The following SEMA4F variants were observed in gnomAD, a reference collection of about 807,000 sequenced individuals.
SEMA4F encodes semaphorin-4F.
A neutral mutation model predicts 78.4 loss-of-function variants in SEMA4F; 51 were observed. The observed-to-expected ratio is 0.65, with a 90% CI of 0.52 to 0.82. The LOEUF (loss-of-function observed/expected upper bound fraction) is 0.82, where lower values mean the gene tolerates loss of function less well. SEMA4F is among the 40% of genes least tolerant of loss of function. The pLI is 0.00. For synonymous variants in SEMA4F, 418 were observed against 408.7 expected, an observed-to-expected ratio of 1.02 and a Z score of -0.27; for missense variants, 938 against 1,014.4, an observed-to-expected ratio of 0.92 and a Z score of 1.02.
downstream of SEMA4F, among the ~76,000 whole-genome samples, chr2:74,685,548 G>A (rs543342405): frequency 4.6e-5 from 7 of 152,210 alleles, no homozygotes; most frequent in African/African-American, 1.7e-4. Flanking sequence ...CAGGGAAGGA[G>A]TCTGATTGGC....
At chr2:74,700,669 C>T in the SEMA4F span, among the ~76,000 whole-genome samples, 2 of 152,128 alleles carry the variant, frequency 1.3e-5, no homozygotes, top group African/African-American at 4.8e-5. Context: ...AAAACTGAGG[C>T]ACAGAGAGGG....
chr2:74,693,034 G>A, the SEMA4F span, among the ~76,000 whole-genome samples: 2 of 152,212 alleles, frequency 1.3e-5, no homozygotes, highest in Non-Finnish European at 2.9e-5. Flanking sequence ...GATACAATCT[G>A]TAAATATATT....
chr2:74,692,331 C>T, the SEMA4F span, among the ~76,000 whole-genome samples: 1 of 152,160 alleles, frequency 6.6e-6, no homozygotes. Flanking sequence ...TAGCAGAATC[C>T]ACCCAACTAG....
chr2:74,685,124 T>C (rs1371753270), downstream of SEMA4F, among the ~76,000 whole-genome samples: 1 of 152,232 alleles, frequency 6.6e-6, no homozygotes, highest in Admixed American at 6.5e-5. Context: ...ACCTGCTACT[T>C]CCTCTCCTTT....
At chr2:74,696,098 A>G in the SEMA4F span, among the ~76,000 whole-genome samples, 3 of 150,942 alleles carry the variant, frequency 2.0e-5, no homozygotes, top group Admixed American at 6.6e-5. Flanking sequence ...AAAAATCTTT[A>G]TTAATTTCTT....
chr2:74,687,806 A>G (rs1197590507), downstream of SEMA4F, among the ~76,000 whole-genome samples: 2 of 151,784 alleles, frequency 1.3e-5, no homozygotes, highest in East Asian at 1.9e-4. Flanking sequence ...TGTGTTCCGA[A>G]CTCCATCCTG....
At chr2:74,661,668 T>G (rs191956926) in intron 4 of SEMA4F, among the ~76,000 whole-genome samples, 31 of 152,336 alleles carry the variant, frequency 2.0e-4, no homozygotes, top group Middle Eastern at 6.8e-3. Flanking sequence ...TTTTGGGGAC[T>G]TCAAAAGTTT....
the SEMA4F span, among the ~76,000 whole-genome samples, chr2:74,694,545 T>C: frequency 6.6e-6 from 1 of 152,284 alleles, no homozygotes; most frequent in East Asian, 1.9e-4. Flanking sequence ...CCAGGATTTT[T>C]CCCCCAGCGT....
At chr2:74,679,430 C>T (rs867692767) in intron 13 of SEMA4F, 96 bp downstream of exon 13, 1 of 1,475,728 alleles carries the variant, frequency 6.8e-7, no homozygotes, top group Non-Finnish European at 9.4e-7. Context: ...AACCTTGGAT[C>T]CTGGAAGATG....
intron 1 of SEMA4F, among the ~76,000 whole-genome samples, chr2:74,654,803 A>G (rs1053045670): frequency 2.0e-5 from 3 of 152,134 alleles, no homozygotes; most frequent in African/African-American, 4.8e-5. Context: ...CCGGAGCCGC[A>G]GGAGCGTCCA....
chr2:74,674,490 C>T lies in SEMA4F; in HGVS notation c.823-8C>T, dbSNP rs778800510. 1 of 1,603,570 alleles carries T rather than the reference C, an allele frequency of 6.2e-7. No homozygotes were observed. The highest frequency in any genetic ancestry group is 2.2e-5 in the East Asian group (1 of 44,720). ...TAAAGAGAACCTCCCATGTGTTTGT[C>T]ACCCCAGGGGGACCTCGGGGGCCGG... On this transcript the variant is annotated splice_region_variant and splice_polypyrimidine_tract_variant and intron_variant, in intron 7 of 13. Transcript: ENST00000357877.
chr2:74,654,636 T>G, intron 1 of SEMA4F, 115 bp downstream of exon 1: 2 of 910,762 alleles, frequency 2.2e-6, no homozygotes, highest in Non-Finnish European at 3.1e-6. Context: ...GTATGGCGTT[T>G]CACGCCGCCC....
In SEMA4F at chr2:74,674,898, A is replaced by G. The variant is rs376302910; in HGVS notation, c.1012A>G (p.Thr338Ala). 3.7e-6 allele frequency: 6 copies of G among 1,613,842 alleles called. No homozygotes were observed. Among genetic ancestry groups the G allele is most frequent in the African/African-American group, 2.7e-5 (2 of 74,860 alleles). Residue 338 changes from threonine (T) to alanine (A), a missense_variant, in exon 9 of 14, where the codon ACT becomes GCT. Thr to Ala is a moderately conservative substitution (Grantham distance 58, BLOSUM62 0). Coordinates refer to ENST00000357877, the MANE Select transcript of SEMA4F (RefSeq NM_004263.5). ...GIFSSQWEGA[T>A]ISAVCAFRPQ... ...ACCTGTGAATTCCAGGGAGGGGGCT[A>G]CTATCTCTGCTGTCTGTGCCTTCCG...
At chr2:74,659,604 A>T (rs1393976254) in intron 4 of SEMA4F, among the ~76,000 whole-genome samples, 2 of 152,126 alleles carry the variant, frequency 1.3e-5, no homozygotes, top group African/African-American at 2.4e-5. Flanking sequence ...GGCTTGTTTG[A>T]AGGAGAATAT....
Position 74,658,667 on chromosome 2 carries a change from A to T in SEMA4F, c.456+716A>T, listed in dbSNP as rs1684280495. ...CTAGTCATGATCTCTGGGACTGATG[A>T]CTGTTTCTGAATTCTCAGCTTTTCC... On this transcript the variant is annotated intron_variant, in intron 4 of 13. Transcript: ENST00000357877. The surrounding 1 kb of genome is among the most constrained non-coding windows in gnomAD (Gnocchi z 4.3). Among the ~76,000 whole-genome samples, 1 of 152,212 alleles carries T rather than the reference A, an allele frequency of 6.6e-6. No homozygotes were observed. Among genetic ancestry groups the T allele is most frequent in the South Asian group, 2.1e-4 (1 of 4,822 alleles).
intron 5 of SEMA4F, among the ~76,000 whole-genome samples, chr2:74,670,425 T>C (rs1684927574): frequency 6.6e-6 from 1 of 152,218 alleles, no homozygotes; most frequent in Non-Finnish European, 1.5e-5. Context: ...GTGTCAGTGA[T>C]CCTTGGCTGT....
rs530499012 is a variant in SEMA4F, at chr2:74,680,473, A to G, written c.*264A>G. On this transcript the variant is annotated 3_prime_UTR_variant, in exon 14 of 14. Coordinates refer to ENST00000357877, the MANE Select transcript of SEMA4F (RefSeq NM_004263.5). ...CCCCCTAACATCTGAACTCCTGTAAACCTTCATCCCTGGCCCCCTATCTTG... is the reference window on the plus strand; with the variant it reads ...CCCCCTAACATCTGAACTCCTGTAAGCCTTCATCCCTGGCCCCCTATCTTG... 2.6e-6 allele frequency: 1 copy of G among 383,614 alleles called. No individual in the cohort carries two copies. The highest frequency in any genetic ancestry group is 2.0e-5 in the African/African-American group (1 of 49,198). The allele number at this position is 383,614 out of a possible 1,614,324, so 23.8% of individuals were successfully genotyped here.
Position 74,674,651 on chromosome 2 carries a change from T to C in SEMA4F, c.976T>C (p.Phe326Leu). ...TGAGCTTGGGGCAGGGACTCCCATC[T>C]TTTATGGCATCTTTTCTTCCCAGTG... ...RPELGAGTPI[F>L]YGIFSSQWEG... is the part of the protein sequence containing the mutation. The change falls in exon 8 of 14, where the codon TTT becomes CTT. Residue 326 changes from phenylalanine to leucine, a missense_variant. Transcript: ENST00000357877. 1 of 1,614,076 alleles carries C rather than the reference T, an allele frequency of 6.2e-7. No homozygotes were observed. Among genetic ancestry groups the C allele is most frequent in the Admixed American group, 1.7e-5 (1 of 60,014 alleles).
In SEMA4F at chr2:74,657,572, G is replaced by A. The variant is rs1215121630; in HGVS notation, c.305G>A (p.Trp102Ter). ...FSGERPRRIDWMVPEAHRQNC... is the reference protein window; with the variant it reads ...FSGERPRRID ...TCACTTCTCCTTTCTCAGATTGACT[G>A]GATGGTTCCTGAGGCTCACAGACAG... Residue 102 changes from tryptophan to a stop codon, truncating the protein, a stop_gained, in exon 3 of 14, where the codon TGG (tryptophan) becomes TAG (stop). Transcript: ENST00000357877. LOFTEE classifies it high-confidence loss of function. The A allele has an allele frequency of 6.2e-7, 1 of 1,614,012 alleles. No individual in the cohort carries two copies. The highest frequency in any genetic ancestry group is 1.3e-5 in the African/African-American group (1 of 74,916).
Sources: allele counts gnomAD v4.1 joint callset (sites outside exome capture counted in the v4.1 genomes callset), GRCh38; gene constraint gnomAD v4.1.1; non-coding constraint Gnocchi (gnomAD v3.1); transcripts MANE v1.5; gene names NCBI Gene and HGNC (gene_info 2026-07-23, HGNC 2026-07-21).